The following FAT3 variants were observed in gnomAD, a reference collection of about 807,000 sequenced individuals.
FAT3 encodes the protein protocadherin Fat 3.
In FAT3, 95 loss-of-function variants were observed where a neutral mutation model predicts 310.2. The ratio of observed to expected loss-of-function variants is 0.31; its 90% CI spans 0.26 to 0.36. The LOEUF (loss-of-function observed/expected upper bound fraction) is 0.36. Among genes scored for constraint, FAT3 ranks in the 10% least tolerant of loss-of-function variants. The probability of loss-of-function intolerance (pLI) is 1.00; values close to 1 mark genes in which losing one functional copy is unlikely to be tolerated. For synonymous variants in FAT3, 2,314 were observed against 2,192.9 expected (o/e 1.06, Z -1.54); for missense variants, 5,408 against 5,715.6 (o/e 0.95, Z 1.74).
At chr11:92,790,832 A>G (rs768014744) in intron 8 of FAT3, among the ~76,000 whole-genome samples, 7 of 152,230 alleles carry the variant, frequency 4.6e-5, no homozygotes, top group Non-Finnish European at 7.3e-5. Context: ...ATTGGGAAGT[A>G]GAGATGAATG....
intron 3 of FAT3, among the ~76,000 whole-genome samples, chr11:92,673,497 G>T (rs1271265906): frequency 1.3e-5 from 2 of 152,184 alleles, no homozygotes; most frequent in African/African-American, 4.8e-5. Context: ...GTATACGAGT[G>T]CAAAGAAGAC....
At chr11:92,857,063 T>G (rs1189766789) in intron 19 of FAT3, 151 bp from the exon 20 acceptor site, 17 of 1,128,020 alleles carry the variant, frequency 1.5e-5, no homozygotes, top group Non-Finnish European at 9.0e-6. Context: ...GTGTGCCTAC[T>G]TCTGAGTGGC....
At chr11:92,553,814 CTT>C (rs759423881) in intron 3 of FAT3, among the ~76,000 whole-genome samples, 1 of 141,362 alleles carries the variant, frequency 7.1e-6, no homozygotes, top group Non-Finnish European at 1.6e-5. Context: ...CTTTCTTTCT[CTT>C]TTTTTTGAGA....
intron 1 of FAT3, among the ~76,000 whole-genome samples, chr11:92,237,353 C>T (rs115399710): frequency 6.6e-6 from 1 of 152,126 alleles, no homozygotes; most frequent in Non-Finnish European, 1.5e-5. Flanking sequence ...GGATAGTAAA[C>T]AGGCAAGCTG....
At chr11:92,253,998 C>T (rs940098828) in intron 1 of FAT3, among the ~76,000 whole-genome samples, 5 of 152,150 alleles carry the variant, frequency 3.3e-5, no homozygotes, top group East Asian at 1.9e-4. Flanking sequence ...GAAATGGCAT[C>T]GTTTATTTGC....
intron 8 of FAT3, among the ~76,000 whole-genome samples, chr11:92,791,934 T>C (rs923774091): frequency 7.2e-5 from 11 of 152,230 alleles, no homozygotes; most frequent in African/African-American, 2.7e-4. Context: ...CAAATGGTTG[T>C]GTAAAGTGTG....
intron 1 of FAT3, among the ~76,000 whole-genome samples, chr11:92,256,526 T>C (rs1050029419): frequency 6.6e-6 from 1 of 151,360 alleles, no homozygotes; most frequent in African/African-American, 2.4e-5. Context: ...AAAAAAGAGA[T>C]AGGGAATTAG....
At chr11:92,245,764 AC>A (rs1864877442) in intron 1 of FAT3, among the ~76,000 whole-genome samples, 1 of 152,192 alleles carries the variant, frequency 6.6e-6, no homozygotes, top group Non-Finnish European at 1.5e-5. Flanking sequence ...AAAACTGGCT[AC>A]TGGCTGGATT....
intron 3 of FAT3, among the ~76,000 whole-genome samples, chr11:92,674,475 A>T (rs1943225541): frequency 6.6e-6 from 1 of 151,854 alleles, no homozygotes; most frequent in Non-Finnish European, 1.5e-5. Flanking sequence ...AACCCTGCTT[A>T]TTGGTTCTGA....
At chr11:92,700,131 A>T (rs1369716020) in intron 4 of FAT3, among the ~76,000 whole-genome samples, 1 of 152,204 alleles carries the variant, frequency 6.6e-6, no homozygotes, top group African/African-American at 2.4e-5. Context: ...AAGTTCCATG[A>T]TAGTGCCTGA....
chr11:92,512,796 C>G (rs920083343), intron 2 of FAT3, among the ~76,000 whole-genome samples: 2 of 151,658 alleles, frequency 1.3e-5, no homozygotes, highest in Non-Finnish European at 2.9e-5. Context: ...ATTTAACACA[C>G]TAAAATGTAT....
chr11:92,540,230 A>G (rs996830747), intron 3 of FAT3, among the ~76,000 whole-genome samples: 1 of 152,152 alleles, frequency 6.6e-6, no homozygotes, highest in African/African-American at 2.4e-5. Context: ...TAAATAAGGT[A>G]TTAGAATAGT....
intron 1 of FAT3, among the ~76,000 whole-genome samples, chr11:92,266,271 C>A (rs192824088): frequency 3.3e-5 from 5 of 152,146 alleles, no homozygotes; most frequent in Non-Finnish European, 7.4e-5. Flanking sequence ...AGTTTGAGAA[C>A]CTGGCCTCAC....
Position 92,431,607 on chromosome 11 carries a change from A to T in FAT3, c.3292+76203A>T, listed in dbSNP as rs1435113514. ...TGCCCATGCCTATGTCCTGAATGGTATTGCCTAGGTTTTCTTCTAGGGTTT... is the reference window on the plus strand; with the variant it reads ...TGCCCATGCCTATGTCCTGAATGGTTTTGCCTAGGTTTTCTTCTAGGGTTT... On this transcript the variant is annotated intron_variant, in intron 2 of 27. Coordinates refer to ENST00000525166, the MANE Select transcript of FAT3 (RefSeq NM_001367949.2). Among the ~76,000 whole-genome samples the T allele has an allele frequency of 6.6e-5, 10 of 152,082 alleles. No individual in the cohort carries two copies. In the South Asian group the frequency reaches 1.2e-3, roughly 19 times the overall value.
chr11:92,875,859 A>C (rs1476319302), intron 22 of FAT3, among the ~76,000 whole-genome samples: 1 of 152,172 alleles, frequency 6.6e-6, no homozygotes, highest in Admixed American at 6.5e-5. Context: ...TTCAGAAGGA[A>C]CTGTGTATAA....
At chr11:92,648,716 C>T (rs1942256508) in intron 3 of FAT3, among the ~76,000 whole-genome samples, 1 of 152,132 alleles carries the variant, frequency 6.6e-6, no homozygotes, top group Non-Finnish European at 1.5e-5. Context: ...GGATCTGAGC[C>T]CAAGACATGG....
intron 6 of FAT3, among the ~76,000 whole-genome samples, chr11:92,772,075 A>T (rs1226556999): frequency 6.6e-6 from 1 of 152,168 alleles, no homozygotes; most frequent in Admixed American, 6.5e-5. Context: ...TTTTGACTTG[A>T]CTCACACATT....
Position 92,798,507 on chromosome 11 carries a change from G to A in FAT3, c.5494G>A (p.Ala1832Thr). 1 of 1,613,792 alleles carries A rather than the reference G, an allele frequency of 6.2e-7. No homozygotes were observed. The highest frequency in any genetic ancestry group is 8.5e-7 in the Non-Finnish European group (1 of 1,179,840). The change falls in exon 10 of 28, where the codon GCA becomes ACA. Residue 1832 changes from alanine (A) to threonine (T), a missense_variant. By Grantham distance (58) the Ala-to-Thr change is moderately conservative. Around this residue, in one of 5 missense-constraint regions of FAT3, gnomAD observed 4,588 missense variants for 4,809.8 expected, o/e 0.95. Coordinates refer to ENST00000525166, the MANE Select transcript of FAT3 (RefSeq NM_001367949.2). ...TTTCACGGTGGACTCCAGTACAGGT[G>A]CAATCAGAACAATTGCCAACCTGGA... is the stretch of plus-strand genomic sequence containing the variant. The part of the protein sequence containing the change: ...KFFTVDSSTG[A>T]IRTIANLDHE...
intron 20 of FAT3, 124 bp downstream of exon 20, chr11:92,857,472 A>T (rs1472271299): frequency 1.6e-6 from 2 of 1,282,106 alleles, no homozygotes; most frequent in East Asian, 2.4e-5. Context: ...CTTTTCCTTT[A>T]GAATGGACCA....
Sources: allele counts gnomAD v4.1 joint callset (sites outside exome capture counted in the v4.1 genomes callset), GRCh38; gene constraint gnomAD v4.1.1; regional missense constraint gnomAD v4.1.1; transcripts MANE v1.5; gene names NCBI Gene and HGNC (gene_info 2026-07-23, HGNC 2026-07-21).